NRG3: variants seen among roughly 807,000 people sequenced by gnomAD.
NRG3 encodes the protein neuregulin 3.
Under a neutral mutation model 66.9 loss-of-function variants are expected in NRG3, and 31 were observed. The ratio of observed to expected loss-of-function variants is 0.46; its 90% confidence interval spans 0.35 to 0.63. The LOEUF (loss-of-function observed/expected upper bound fraction) is 0.63. NRG3 is among the 20% of genes least tolerant of loss of function. NRG3 has a pLI of 0.00. For synonymous variants in NRG3, 393 were observed against 359.4 expected (o/e 1.09, Z -1.06); for missense variants, 910 against 878.9 (o/e 1.04, Z -0.45).
intron 3 of NRG3, among the ~76,000 whole-genome samples, chr10:82,760,523 G>T (rs1195515756): frequency 6.6e-6 from 1 of 152,004 alleles, no homozygotes; most frequent in Non-Finnish European, 1.5e-5. Context: ...TCATCAAAAA[G>T]GCAAAGTACC....
At chr10:82,306,345 A>T (rs982423910) in intron 1 of NRG3, among the ~76,000 whole-genome samples, 1 of 152,174 alleles carries the variant, frequency 6.6e-6, no homozygotes, top group Non-Finnish European at 1.5e-5. Context: ...TTTTTAAACT[A>T]ATTCAAAAAG....
intron 2 of NRG3, among the ~76,000 whole-genome samples, chr10:82,404,704 T>A (rs1477250221): frequency 1.3e-5 from 2 of 152,128 alleles, no homozygotes; most frequent in Non-Finnish European, 1.5e-5. Context: ...ATTTTCAAAG[T>A]TAGGATGCCA....
chr10:82,915,341 G>A (rs1386035492), intron 4 of NRG3, among the ~76,000 whole-genome samples: 2 of 152,168 alleles, frequency 1.3e-5, no homozygotes, highest in Middle Eastern at 3.4e-3. Context: ...CTCTTTACAT[G>A]CCAAAAAAGA....
chr10:82,426,344 T>C lies in NRG3; in HGVS notation c.953+67476T>C, dbSNP rs562887017. Among the ~76,000 whole-genome samples, 72 of 152,200 alleles carry C rather than the reference T, an allele frequency of 4.7e-4. 1 individual carries two copies. The Middle Eastern group carries it at 0.017, about 36-fold the overall frequency. ...CTCCAGTAGTGAGTAAGTTCATTTT[T>C]AATGATTTATGACTGTTGTTGTCTC... On this transcript the variant is annotated intron_variant, in intron 2 of 8. Transcript: ENST00000372141.
At chr10:82,740,557 G>A (rs2058372756) in intron 3 of NRG3, among the ~76,000 whole-genome samples, 1 of 152,064 alleles carries the variant, frequency 6.6e-6, no homozygotes. Context: ...TGTGAGCCAG[G>A]CACGGTGGTT....
intron 1 of NRG3, among the ~76,000 whole-genome samples, chr10:82,075,793 G>A (rs540246954): frequency 6.6e-6 from 1 of 151,966 alleles, no homozygotes; most frequent in East Asian, 1.9e-4. Flanking sequence ...GACATGTCTG[G>A]GGCAACAGGG....
chr10:82,596,672 A>C (rs1420878538), intron 2 of NRG3, among the ~76,000 whole-genome samples: 4 of 152,164 alleles, frequency 2.6e-5, no homozygotes, highest in Non-Finnish European at 5.9e-5. Context: ...TAGTAAAAGA[A>C]ATAATTTCAC....
chr10:82,096,908 CTAGT>C (rs779942268), intron 1 of NRG3, among the ~76,000 whole-genome samples: 7 of 152,012 alleles, frequency 4.6e-5, no homozygotes, highest in Non-Finnish European at 8.8e-5. Context: ...AAGATAATGC[CTAGT>C]TAGATTATTT....
Position 82,170,678 on chromosome 10 carries a change from A to G in NRG3, c.824-188061A>G, listed in dbSNP as rs533209499. On this transcript the variant is annotated intron_variant, in intron 1 of 8. Transcript: ENST00000372141. ...GGTATATATATATATATATATATAT[A>G]TATATATATATATATATATGTAAAT... Among the ~76,000 whole-genome samples, 398 of 120,772 alleles carry G rather than the reference A, an allele frequency of 3.3e-3. 5 individuals are homozygous for G. Among genetic ancestry groups the G allele is most frequent in the Non-Finnish European group, 5.4e-3 (313 of 58,054 alleles). The allele number at this position is 120,772 out of a possible 152,430, so 79.2% of individuals were successfully genotyped here.
At chr10:82,256,690 C>T (rs2077744972) in intron 1 of NRG3, among the ~76,000 whole-genome samples, 2 of 152,150 alleles carry the variant, frequency 1.3e-5, no homozygotes, top group Admixed American at 1.3e-4. Flanking sequence ...ATATTGATGT[C>T]TTCTATTTCT....
intron 1 of NRG3, among the ~76,000 whole-genome samples, chr10:82,164,833 G>C (rs1187446152): frequency 6.6e-6 from 1 of 152,152 alleles, no homozygotes; most frequent in Non-Finnish European, 1.5e-5. Flanking sequence ...CTTGGTTATA[G>C]TAGTGTGGAA....
rs151124767 is a variant in NRG3 at position 82,577,825 on chromosome 10, T to C, written c.954-160752T>C. ...ACAGTTTTGACCTAAACTTTTGTCA[T>C]ATTTATAGGTTTTCTTCCTCTCAAC... On this transcript the variant is annotated intron_variant, in intron 2 of 8. Coordinates refer to ENST00000372141, the MANE Select transcript of NRG3 (RefSeq NM_001010848.4). Among the ~76,000 whole-genome samples, 84 of 151,974 alleles carry C rather than the reference T, an allele frequency of 5.5e-4. 1 individual carries two copies. The highest frequency in any genetic ancestry group is 2.0e-3 in the African/African-American group (82 of 41,518).
intron 2 of NRG3, among the ~76,000 whole-genome samples, chr10:82,586,264 G>A (rs1286202175): frequency 4.7e-5 from 7 of 147,870 alleles, no homozygotes; most frequent in Admixed American, 3.4e-4. Flanking sequence ...ACAAGAAAAC[G>A]AAACAAAGCT....
intron 2 of NRG3, among the ~76,000 whole-genome samples, chr10:82,580,607 G>C (rs763129195): frequency 6.6e-6 from 1 of 151,768 alleles, no homozygotes; most frequent in Non-Finnish European, 1.5e-5. Flanking sequence ...TGTCTCTATA[G>C]TTTTGCCCTT....
intron 1 of NRG3, among the ~76,000 whole-genome samples, chr10:82,157,005 CCA>C (rs2071241414): frequency 6.6e-6 from 1 of 151,356 alleles, no homozygotes; most frequent in Non-Finnish European, 1.5e-5. Flanking sequence ...GGCAGGAATC[CCA>C]GTCTGTAGTA....
chr10:82,677,061 T>C (rs891645827), intron 2 of NRG3, among the ~76,000 whole-genome samples: 4 of 143,722 alleles, frequency 2.8e-5, no homozygotes, highest in Admixed American at 6.9e-5. Context: ...TCTCTCTCTC[T>C]CTTTTTTTTT....
chr10:82,464,504 G>A (rs1176762793), intron 2 of NRG3, among the ~76,000 whole-genome samples: 1 of 152,164 alleles, frequency 6.6e-6, no homozygotes, highest in Non-Finnish European at 1.5e-5. Context: ...GGAACTAAAA[G>A]AGCCAGCCTT....
At chr10:82,071,070 CG>C (rs2133324796) in intron 1 of NRG3, among the ~76,000 whole-genome samples, 1 of 152,192 alleles carries the variant, frequency 6.6e-6, no homozygotes, top group East Asian at 1.9e-4. Context: ...TACTCTGCCC[CG>C]ATAGTACCCT....
chr10:82,387,255 T>C (rs1413929313), intron 2 of NRG3, among the ~76,000 whole-genome samples: 1 of 141,314 alleles, frequency 7.1e-6, no homozygotes, highest in Non-Finnish European at 1.5e-5. Context: ...ACTCCTCTTA[T>C]GTTTTATCAT....
Sources: allele counts gnomAD v4.1 joint callset (sites outside exome capture counted in the v4.1 genomes callset), GRCh38; gene constraint gnomAD v4.1.1; transcripts MANE v1.5; gene names NCBI Gene and HGNC (gene_info 2026-07-23, HGNC 2026-07-21).